Variants in GPC5 observed in about 807,000 individuals in gnomAD.
GPC5 encodes glypican-5.
A neutral mutation model predicts 53.9 loss-of-function variants in GPC5; 47 were observed. The observed-to-expected ratio is 0.87, with a 90% CI of 0.69 to 1.11. The LOEUF is 1.11. Ranked by LOEUF, GPC5 falls within the 50% of genes most tolerant of loss-of-function variation. The pLI is 0.00. For synonymous variants in GPC5, 286 were observed against 263.3 expected (o/e 1.09, Z -0.84); for missense variants, 748 against 713.1 (o/e 1.05, Z -0.56).
At chr13:91,629,972 A>G (rs114065320) in intron 2 of GPC5, among the ~76,000 whole-genome samples, 217 of 152,200 alleles carry the variant, frequency 1.4e-3, no homozygotes, top group African/African-American at 4.9e-3. Context: ...ACCTTTTCCA[A>G]TGATCATCTT....
intron 6 of GPC5, among the ~76,000 whole-genome samples, chr13:91,910,769 G>A (rs746353777): frequency 6.6e-6 from 1 of 152,126 alleles, no homozygotes; most frequent in Non-Finnish European, 1.5e-5. Flanking sequence ...TGCTCATTGA[G>A]TTTCTAGTAT....
intron 6 of GPC5, among the ~76,000 whole-genome samples, chr13:92,119,356 C>CATAT (rs1472613967): frequency 2.1e-5 from 3 of 143,592 alleles, no homozygotes; most frequent in Non-Finnish European, 3.0e-5. Flanking sequence ...ACAGTCAAAT[C>CATAT]ATATCACCTA....
At chr13:92,815,034 A>C (rs1038614639) in intron 7 of GPC5, among the ~76,000 whole-genome samples, 1 of 152,034 alleles carries the variant, frequency 6.6e-6, no homozygotes, top group African/African-American at 2.4e-5. Flanking sequence ...ACATATATTT[A>C]TTTAACACCT....
intron 6 of GPC5, among the ~76,000 whole-genome samples, chr13:91,960,499 A>G (rs919234570): frequency 1.3e-5 from 2 of 152,054 alleles, no homozygotes; most frequent in Non-Finnish European, 2.9e-5. Context: ...AAAGCAATCT[A>G]TAGATACAAT....
At chr13:91,559,686 C>G (rs2031155734) in intron 2 of GPC5, among the ~76,000 whole-genome samples, 1 of 152,010 alleles carries the variant, frequency 6.6e-6, no homozygotes, top group Admixed American at 6.6e-5. Flanking sequence ...AACAAAACTG[C>G]CTCCTCCTGT....
At chr13:91,971,662 T>G (rs1197149336) in intron 6 of GPC5, among the ~76,000 whole-genome samples, 1 of 152,170 alleles carries the variant, frequency 6.6e-6, no homozygotes, top group African/African-American at 2.4e-5. Flanking sequence ...TCTGGTATGT[T>G]GTGTCTTTGT....
intron 7 of GPC5, among the ~76,000 whole-genome samples, chr13:92,653,596 T>C (rs543596538): frequency 2.0e-4 from 31 of 152,368 alleles, no homozygotes; most frequent in African/African-American, 7.2e-4. Flanking sequence ...TTTATAAATA[T>C]GTAAGCAGTT....
At chr13:91,988,151 G>A (rs985128438) in intron 6 of GPC5, among the ~76,000 whole-genome samples, 7 of 151,600 alleles carry the variant, frequency 4.6e-5, no homozygotes, top group African/African-American at 1.7e-4. Flanking sequence ...GCTAACACTT[G>A]AAAGAGAGGC....
intron 2 of GPC5, among the ~76,000 whole-genome samples, chr13:91,460,054 T>A (rs1489967620): frequency 6.6e-6 from 1 of 152,158 alleles, no homozygotes; most frequent in East Asian, 1.9e-4. Flanking sequence ...ATGAGAAATT[T>A]GTTTTCACTT....
Position 92,867,039 on chromosome 13 carries a change from G to C in GPC5, c.*600G>C, listed in dbSNP as rs1879357844. On this transcript the variant is annotated 3_prime_UTR_variant, in exon 8 of 8. Coordinates refer to ENST00000377067, the MANE Select transcript of GPC5 (RefSeq NM_004466.6). ...AGAACCTTGATAATTTTGACCCACT[G>C]TAACTTAGCCACTGATGAACCTTAA... 1 of 152,024 alleles carries C rather than the reference G, an allele frequency of 6.6e-6. No homozygotes were observed. The highest frequency in any genetic ancestry group is 2.4e-5 in the African/African-American group (1 of 41,420). 9.4% of individuals were successfully genotyped at this position (152,024 alleles called of 1,614,324 possible).
At chr13:92,560,402 C>T (rs1015976119) in intron 7 of GPC5, among the ~76,000 whole-genome samples, 11 of 152,030 alleles carry the variant, frequency 7.2e-5, no homozygotes, top group Non-Finnish European at 1.5e-4. Context: ...GCCTCTACCT[C>T]ACATATATTT....
intron 1 of GPC5, among the ~76,000 whole-genome samples, chr13:91,426,186 G>A (rs553000786): frequency 6.6e-6 from 1 of 152,038 alleles, no homozygotes; most frequent in Non-Finnish European, 1.5e-5. Flanking sequence ...GTAATGAGGA[G>A]CCAAATGTTA....
chr13:92,425,389 T>C (rs994487385), intron 7 of GPC5, among the ~76,000 whole-genome samples: 3 of 152,120 alleles, frequency 2.0e-5, no homozygotes, highest in Non-Finnish European at 4.4e-5. Context: ...CTAATGTTTC[T>C]AACATTTATT....
rs556313465 is a variant in GPC5 at position 92,040,810 on chromosome 13, G to A, written c.1402-104020G>A. The stretch of plus-strand genomic sequence containing the variant: ...TGGGGTCTTTATTTAGAAGTTTGGT[G>A]ATGTTTTTGTGAGCACAATTATGCT... On this transcript the variant is annotated intron_variant, in intron 6 of 7. Coordinates refer to ENST00000377067, the MANE Select transcript of GPC5 (RefSeq NM_004466.6). Among the ~76,000 whole-genome samples, 8 of 152,256 alleles carry A rather than the reference G, an allele frequency of 5.3e-5. No individual in the cohort carries two copies. The South Asian group carries it at 1.4e-3, about 28-fold the overall frequency.
chr13:91,609,252 C>T (rs191583448), intron 2 of GPC5, among the ~76,000 whole-genome samples: 4 of 151,738 alleles, frequency 2.6e-5, no homozygotes, highest in Admixed American at 2.6e-4. Flanking sequence ...GTAGCTAAAG[C>T]TCTGAGAGCC....
intron 7 of GPC5, among the ~76,000 whole-genome samples, chr13:92,505,560 GTTAAA>G (rs1880337047): frequency 6.6e-6 from 1 of 152,012 alleles, no homozygotes; most frequent in South Asian, 2.1e-4. Context: ...GTAGTTTCAT[GTTAAA>G]TTTAACATTC....
intron 5 of GPC5, among the ~76,000 whole-genome samples, chr13:91,770,554 G>A (rs1474055005): frequency 1.3e-5 from 2 of 152,134 alleles, no homozygotes; most frequent in Non-Finnish European, 2.9e-5. Context: ...GGAGGAATGT[G>A]TTAGATGCTT....
intron 7 of GPC5, among the ~76,000 whole-genome samples, chr13:92,834,319 A>T (rs1878151594): frequency 6.6e-6 from 1 of 152,178 alleles, no homozygotes; most frequent in Non-Finnish European, 1.5e-5. Flanking sequence ...CTGTTAAAAA[A>T]TGGTAATTTA....
At chr13:92,030,716 GGCCCGT>G (rs2138805386) in intron 6 of GPC5, among the ~76,000 whole-genome samples, 1 of 152,258 alleles carries the variant, frequency 6.6e-6, no homozygotes, top group South Asian at 2.1e-4. Flanking sequence ...CCTGAAGACT[GGCCCGT>G]CTACTGGGAC....
Sources: allele counts gnomAD v4.1 joint callset (sites outside exome capture counted in the v4.1 genomes callset), GRCh38; gene constraint gnomAD v4.1.1; transcripts MANE v1.5; gene names NCBI Gene and HGNC (gene_info 2026-07-23, HGNC 2026-07-21).